Variants in LSM14A observed in about 807,000 individuals in gnomAD.
LSM14A encodes protein LSM14 homolog A.
Under a neutral mutation model 52.4 loss-of-function variants are expected in LSM14A, and 14 were observed. That is an observed-to-expected ratio of 0.27 (90% CI 0.18 to 0.42). LSM14A has a LOEUF of 0.42. Among genes scored for constraint, LSM14A ranks in the 10% least tolerant of loss-of-function variants. LSM14A has a pLI of 1.00. For missense variants in LSM14A, 417 were observed against 581.8 expected, an observed-to-expected ratio of 0.72 and a Z score of 2.91; for synonymous variants, 185 against 200.3, an observed-to-expected ratio of 0.92 and a Z score of 0.64.
intron 1 of LSM14A, among the ~76,000 whole-genome samples, chr19:34,173,489 A>C (rs1156365237): frequency 6.6e-6 from 1 of 152,106 alleles, no homozygotes; most frequent in African/African-American, 2.4e-5. Flanking sequence ...TTGACCTTTG[A>C]TCCAGGCTCA....
At chr19:34,224,887 CAT>C (rs2145906380) in intron 9 of LSM14A, among the ~76,000 whole-genome samples, 1 of 152,272 alleles carries the variant, frequency 6.6e-6, no homozygotes, top group East Asian at 1.9e-4. Flanking sequence ...GGGAGACAGA[CAT>C]AGCTAAAAGT....
chr19:34,229,084 G>A lies in LSM14A; in HGVS notation c.*1696G>A, dbSNP rs573664097. 1 of 152,174 alleles carries A rather than the reference G, an allele frequency of 6.6e-6. No homozygotes were observed. The highest frequency in any genetic ancestry group is 2.1e-4 in the South Asian group (1 of 4,814). The allele number at this position is 152,174 out of a possible 1,614,324, so 9.4% of individuals were successfully genotyped here. A position where few individuals can be genotyped will look rare whatever the true frequency, so the allele number is the denominator to read the frequency against. Reference sequence around the variant, plus strand: ...TGTGTAGACTGTTGGAGATGTCCCGGGCCAATTTCAAGAAAGAAAACTGTA... The same window carrying A: ...TGTGTAGACTGTTGGAGATGTCCCGAGCCAATTTCAAGAAAGAAAACTGTA... On this transcript the variant is annotated 3_prime_UTR_variant, in exon 10 of 10. Coordinates refer to ENST00000544216, the MANE Select transcript of LSM14A (RefSeq NM_015578.4).
intron 9 of LSM14A, chr19:34,226,397 T>A: frequency 6.8e-7 from 1 of 1,459,888 alleles, no homozygotes; most frequent in Non-Finnish European, 9.0e-7. Flanking sequence ...TTTTTTTTTT[T>A]TACCTTTCAG....
chr19:34,212,004 GAA>G lies in LSM14A; in HGVS notation c.538+2955_538+2956del, dbSNP rs2145803257. On this transcript the variant is annotated intron_variant, in intron 4 of 9. Coordinates refer to ENST00000544216, the MANE Select transcript of LSM14A (RefSeq NM_015578.4). ...TAAAATGTAGCAATGCAGGAAAAAA[GAA>G]AGAGATGAATAGAAAGCAATAGGCA... Among the ~76,000 whole-genome samples, 6 of 152,116 alleles carry G rather than the reference GAA, an allele frequency of 3.9e-5. No individual in the cohort carries two copies. In the South Asian group the frequency reaches 1.2e-3, roughly 32 times the overall value.
chr19:34,207,304 A>G (rs891513134), intron 3 of LSM14A, among the ~76,000 whole-genome samples: 3 of 152,260 alleles, frequency 2.0e-5, no homozygotes, highest in Non-Finnish European at 4.4e-5. Context: ...ATATACATCA[A>G]AGTGGCTGAT....
intron 9 of LSM14A, among the ~76,000 whole-genome samples, chr19:34,224,015 C>A (rs1017611480): frequency 1.5e-4 from 23 of 152,162 alleles, no homozygotes; most frequent in African/African-American, 5.3e-4. Context: ...GCATCCATCC[C>A]ACCCCAGGGA....
chr19:34,200,854 G>A (rs2071237445), intron 3 of LSM14A, among the ~76,000 whole-genome samples: 1 of 152,148 alleles, frequency 6.6e-6, no homozygotes, highest in Non-Finnish European at 1.5e-5. Flanking sequence ...ATTGCAAATT[G>A]TATTATCCTT....
At chr19:34,223,157 T>G (rs1245806148) in intron 9 of LSM14A, among the ~76,000 whole-genome samples, 1 of 152,148 alleles carries the variant, frequency 6.6e-6, no homozygotes, top group Non-Finnish European at 1.5e-5. Context: ...CATAAGTCAC[T>G]GCAGCCTCAA....
intron 8 of LSM14A, 39 bp downstream of exon 8, chr19:34,219,916 A>G (rs1276265984): frequency 1.4e-6 from 2 of 1,417,296 alleles, no homozygotes. Context: ...TATGATATTG[A>G]TTGAAGTGTA....
chr19:34,209,037 C>T lies in LSM14A; in HGVS notation c.524C>T (p.Thr175Ile). 1.3e-6 allele frequency: 2 copies of T among 1,578,794 alleles called. No individual in the cohort carries two copies. The highest frequency in any genetic ancestry group is 1.7e-6 in the Non-Finnish European group (2 of 1,160,370). ...ACACAGGATACAAGATCTCTAAAAA[C>T]ACAGTTATCTCAAGGTAAGCTATCT... ...AFTQDTRSLK[T>I]QLSQGRSSPQ... is the part of the protein sequence containing the mutation. The change falls in exon 4 of 10, where the codon ACA becomes ATA. Residue 175 changes from threonine (T) to isoleucine (I), a missense_variant. Thr to Ile is a moderately conservative substitution (Grantham distance 89). This residue lies in a region of LSM14A where 357 missense variants were observed against 457.0 expected (regional missense o/e 0.78). Coordinates refer to ENST00000544216, the MANE Select transcript of LSM14A (RefSeq NM_015578.4).
At chr19:34,206,568 G>A (rs1369582428) in intron 3 of LSM14A, among the ~76,000 whole-genome samples, 1 of 150,612 alleles carries the variant, frequency 6.6e-6, no homozygotes, top group African/African-American at 2.4e-5. Flanking sequence ...CCAGCTGCTC[G>A]GGAGGCTGAG....
chr19:34,212,257 T>C (rs1260627), intron 4 of LSM14A, among the ~76,000 whole-genome samples: 53,092 of 151,972 alleles, frequency 0.35, 9,739 homozygotes, highest in African/African-American at 0.4. Flanking sequence ...CCCAGGAGGT[T>C]AAGGTGGCAG....
intron 1 of LSM14A, among the ~76,000 whole-genome samples, chr19:34,186,093 A>G (rs2069890365): frequency 6.6e-6 from 1 of 152,218 alleles, no homozygotes; most frequent in African/African-American, 2.4e-5. Flanking sequence ...AAATATTCAA[A>G]TGTCAGCTAT....
chr19:34,221,586 C>A lies in LSM14A; in HGVS notation c.1216C>A (p.Arg406Ser). 4 of 1,614,040 alleles carry A rather than the reference C, an allele frequency of 2.5e-6. No homozygotes were observed. The highest frequency in any genetic ancestry group is 1.7e-5 in the Admixed American group (1 of 60,014). ...AATCCCACTTCGTCCAAACCGTGGCCGTGGGGGATACAGAGGCAGAGGAGG... is the reference window on the plus strand; with the variant it reads ...AATCCCACTTCGTCCAAACCGTGGCAGTGGGGGATACAGAGGCAGAGGAGG... ...FGIPLRPNRG[R>S]GGYRGRGGLG... Residue 406 changes from arginine to serine, a missense_variant, in exon 9 of 10, where the codon CGT (arginine) becomes AGT (serine). Physicochemically the swap from Arg to Ser is moderately radical, Grantham distance 110 (BLOSUM62 -1). Around this residue, in one of 2 missense-constraint regions of LSM14A, gnomAD observed 357 missense variants for 457.0 expected, o/e 0.78. Coordinates refer to ENST00000544216, the MANE Select transcript of LSM14A (RefSeq NM_015578.4).
chr19:34,215,798 T>C, intron 6 of LSM14A, 137 bp downstream of exon 6: 1 of 644,802 alleles, frequency 1.6e-6, no homozygotes, highest in Non-Finnish European at 2.7e-6. Flanking sequence ...GGAGTGTCAC[T>C]GTGGTGACAG....
chr19:34,176,536 C>A (rs2069100816), intron 1 of LSM14A, among the ~76,000 whole-genome samples: 1 of 152,250 alleles, frequency 6.6e-6, no homozygotes, highest in African/African-American at 2.4e-5. Context: ...AAGTTTACAT[C>A]TCTAAATAAT....
intron 3 of LSM14A, among the ~76,000 whole-genome samples, chr19:34,207,639 T>A (rs2071801560): frequency 6.6e-6 from 1 of 151,922 alleles, no homozygotes; most frequent in Admixed American, 6.6e-5. Flanking sequence ...TCAAGCAATT[T>A]TCCTACCTCA....
At chr19:34,206,333 T>G (rs2071691923) in intron 3 of LSM14A, among the ~76,000 whole-genome samples, 1 of 151,968 alleles carries the variant, frequency 6.6e-6, no homozygotes, top group Non-Finnish European at 1.5e-5. Flanking sequence ...ATTGTGCCAC[T>G]GCACTCCAGC....
chr19:34,177,108 C>T (rs1035636056), intron 1 of LSM14A, among the ~76,000 whole-genome samples: 1 of 152,122 alleles, frequency 6.6e-6, no homozygotes, highest in African/African-American at 2.4e-5. Context: ...TAAATCGAAA[C>T]ACGTCTTTTT....
Sources: allele counts gnomAD v4.1 joint callset (sites outside exome capture counted in the v4.1 genomes callset), GRCh38; gene constraint gnomAD v4.1.1; regional missense constraint gnomAD v4.1.1; transcripts MANE v1.5; gene names NCBI Gene and HGNC (gene_info 2026-07-23, HGNC 2026-07-21).